MAP2K3: variants seen among roughly 807,000 people sequenced by gnomAD.
MAP2K3 encodes the protein mitogen-activated protein kinase kinase 3, also known as dual specificity mitogen-activated protein kinase kinase 3.
Under a neutral mutation model 46.4 loss-of-function variants are expected in MAP2K3, and 30 were observed. The observed-to-expected ratio is 0.65, with a 90% CI of 0.48 to 0.88. The LOEUF (loss-of-function observed/expected upper bound fraction) is 0.88. Ranked by LOEUF, MAP2K3 falls within the 40% of genes least tolerant of loss-of-function variation. The probability of loss-of-function intolerance (pLI) is 0.00; values close to 1 mark genes in which losing one functional copy is unlikely to be tolerated. For missense variants in MAP2K3, 380 were observed against 464.5 expected, an observed-to-expected ratio of 0.82 and a Z score of 1.67; for synonymous variants, 189 against 176.3, an observed-to-expected ratio of 1.07 and a Z score of -0.57.
At position 21,303,200 on chromosome 17, in the gene MAP2K3, G is replaced by C. The variant is rs891388633; in HGVS notation, c.534G>C (p.Glu178Asp). The C allele has an allele frequency of 6.2e-7, 1 of 1,614,116 alleles. No individual in the cohort carries two copies. The highest frequency in any genetic ancestry group is 8.5e-7 in the Non-Finnish European group (1 of 1,180,062). Reference protein sequence around the residue: ...EIAVSIVRALEHLHSKLSVIH... With the variant: ...EIAVSIVRALDHLHSKLSVIH... Reference sequence around the variant, plus strand: ...ACCGCCAGATCGTGCGGGCCCTGGAGCATCTGCACAGCAAGCTGTCGGTGA... The same window carrying C: ...ACCGCCAGATCGTGCGGGCCCTGGACCATCTGCACAGCAAGCTGTCGGTGA... The change falls in exon 7 of 12, where the codon GAG (glutamate) becomes GAC (aspartate). Residue 178 changes from glutamate (E) to aspartate (D), a missense_variant. Physicochemically the swap from Glu to Asp is conservative, Grantham distance 45 (BLOSUM62 2). Around this residue, in one of 5 missense-constraint regions of MAP2K3, gnomAD observed 294 missense variants for 275.4 expected, o/e 1.07. Coordinates refer to ENST00000342679, the MANE Select transcript of MAP2K3 (RefSeq NM_145109.3).
At chr17:21,313,327 GC>G (rs1977251398) in intron 10 of MAP2K3, among the ~76,000 whole-genome samples, 164 bp from the exon 11 acceptor site, 1 of 152,160 alleles carries the variant, frequency 6.6e-6, no homozygotes, top group Non-Finnish European at 1.5e-5. Flanking sequence ...TCCTATGAAT[GC>G]CCCTCCACCC....
At chr17:21,305,542 G>A (rs1054115801) in intron 9 of MAP2K3, among the ~76,000 whole-genome samples, 3 of 152,290 alleles carry the variant, frequency 2.0e-5, no homozygotes, top group East Asian at 1.9e-4. Flanking sequence ...TGGTAGAAAG[G>A]GTGGGCGGGC....
intron 1 of MAP2K3, among the ~76,000 whole-genome samples, chr17:21,296,900 A>AGCTGCTGCTGCTGCTGCT: frequency 6.6e-6 from 1 of 150,392 alleles, no homozygotes; most frequent in Middle Eastern, 3.4e-3. Flanking sequence ...ATGTGGCGGC[A>AGCTGCTGCTGCTGCTGCT]GCTGCTGCTG....
In MAP2K3 at chr17:21,303,191, G is replaced by T. The variant is rs1418777534; in HGVS notation, c.525G>T (p.Arg175=). The change falls in exon 7 of 12, where the codon CGG becomes CGT. Residue 175 remains arginine, a synonymous_variant. Transcript: ENST00000342679. The stretch of plus-strand genomic sequence containing the variant: ...CCCCACCCCACCGCCAGATCGTGCG[G>T]GCCCTGGAGCATCTGCACAGCAAGC... The part of the protein sequence containing the change: ...ILGEIAVSIV[R]ALEHLHSKLS... 1 of 1,614,242 alleles carries T rather than the reference G, an allele frequency of 6.2e-7. No homozygotes were observed. Among genetic ancestry groups the T allele is most frequent in the East Asian group, 2.2e-5 (1 of 44,894 alleles).
At chr17:21,301,055 C>T in intron 5 of MAP2K3, 62 bp downstream of exon 5, 4 of 1,612,200 alleles carry the variant, frequency 2.5e-6, no homozygotes, top group Non-Finnish European at 3.4e-6. Flanking sequence ...GCCTGCAACC[C>T]ACTGTCACTC....
Position 21,298,418 on chromosome 17 carries a change from T to G in MAP2K3, c.55T>G (p.Ser19Ala), listed in dbSNP as rs535050080. 4 of 1,614,312 alleles carry G rather than the reference T, an allele frequency of 2.5e-6. No homozygotes were observed. The East Asian group carries it at 8.9e-5, about 36-fold the overall frequency. ...TCACCTTCTCTCCATTCTAGGAAAATCCAAGAGGAAGAAGGATCTACGGAT... is the reference window on the plus strand; with the variant it reads ...TCACCTTCTCTCCATTCTAGGAAAAGCCAAGAGGAAGAAGGATCTACGGAT... ...PASMPQSKGK[S>A]KRKKDLRISC... The change falls in exon 2 of 12, where the codon TCC (serine) becomes GCC (alanine). Residue 19 changes from serine to alanine, a missense_variant. Transcript: ENST00000342679.
intron 1 of MAP2K3, chr17:21,291,581 T>C (rs1235675099): frequency 2.2e-6 from 1 of 456,414 alleles, no homozygotes; most frequent in South Asian, 1.5e-5. Flanking sequence ...CTGGGAGGGC[T>C]GAGCATCACT....
In MAP2K3 at chr17:21,311,319, T is replaced by C. The variant is rs890012753; in HGVS notation, c.775-823T>C. Reference sequence around the variant, plus strand: ...GGGCTGACATAACTTGTTTTTTCCATCCAGTCATCATGATTGGAGCCCAGA... The same window carrying C: ...GGGCTGACATAACTTGTTTTTTCCACCCAGTCATCATGATTGGAGCCCAGA... On this transcript the variant is annotated intron_variant, in intron 9 of 11. Transcript: ENST00000342679. Among the ~76,000 whole-genome samples the C allele has an allele frequency of 5.6e-4, 85 of 152,090 alleles. 1 individual carries two copies. The highest frequency in any genetic ancestry group is 1.9e-3 in the African/African-American group (80 of 41,470).
Position 21,314,902 on chromosome 17 carries a change from T to A in MAP2K3, c.*672T>A, listed in dbSNP as rs1371704737. Reference sequence around the variant, plus strand: ...CCTCTGTTGATTTTTTCTTTTGCTTTATGGGTTTGGCTTGTTTTTCTTGCA... The same window carrying A: ...CCTCTGTTGATTTTTTCTTTTGCTTAATGGGTTTGGCTTGTTTTTCTTGCA... On this transcript the variant is annotated 3_prime_UTR_variant, in exon 12 of 12. Coordinates refer to ENST00000342679, the MANE Select transcript of MAP2K3 (RefSeq NM_145109.3). 6.5e-6 allele frequency: 1 copy of A among 152,986 alleles called. No homozygotes were observed. Among genetic ancestry groups the A allele is most frequent in the Non-Finnish European group, 1.5e-5 (1 of 68,330 alleles). 9.5% of individuals were successfully genotyped at this position (152,986 alleles called of 1,614,324 possible). A position where few individuals can be genotyped will look rare whatever the true frequency, so the allele number is the denominator to read the frequency against.
chr17:21,312,116 C>G (rs1351403073), intron 9 of MAP2K3, 26 bp from the exon 10 acceptor site: 55 of 1,500,868 alleles, frequency 3.7e-5, no homozygotes, highest in Non-Finnish European at 4.6e-5. Flanking sequence ...GGGGCCGGGG[C>G]CTCTGACCCC....
At chr17:21,303,398 C>T (rs1393024681) in intron 7 of MAP2K3, among the ~76,000 whole-genome samples, 164 bp downstream of exon 7, 1 of 152,312 alleles carries the variant, frequency 6.6e-6, no homozygotes, top group Non-Finnish European at 1.5e-5. Context: ...CTGCAGCTGC[C>T]TCCCCTCAGG....
In MAP2K3 at chr17:21,310,284, T is replaced by C. The variant is rs573871365; in HGVS notation, c.775-1858T>C. On this transcript the variant is annotated intron_variant, in intron 9 of 11. Coordinates refer to ENST00000342679, the MANE Select transcript of MAP2K3 (RefSeq NM_145109.3). ...TCGGCCTCCCAAAGTGCTTGGATTATAGGTGTGAGCCACCGCACCTGGCCA... is the reference window on the plus strand; with the variant it reads ...TCGGCCTCCCAAAGTGCTTGGATTACAGGTGTGAGCCACCGCACCTGGCCA... 1.2e-3 allele frequency among the ~76,000 whole-genome samples: 179 copies of C among 151,844 alleles called. 1 individual carries two copies. Among genetic ancestry groups the C allele is most frequent in the African/African-American group, 4.3e-3 (176 of 41,404 alleles).
At position 21,298,480 on chromosome 17, in the gene MAP2K3, G is replaced by A. The variant is rs368105298; in HGVS notation, c.116+1G>A. ...CCAAGCCACCCGCACCCAACCCCACGTGAGTCTGCCTCAGTTTCTCCCTGG... is the reference window on the plus strand; with the variant it reads ...CCAAGCCACCCGCACCCAACCCCACATGAGTCTGCCTCAGTTTCTCCCTGG... On this transcript the variant is annotated splice_donor_variant, in intron 2 of 11. Transcript: ENST00000342679. LOFTEE classifies it high-confidence loss of function. The A allele has an allele frequency of 2.0e-5, 33 of 1,614,178 alleles. No homozygotes were observed. The highest frequency in any genetic ancestry group is 1.5e-4 in the African/African-American group (11 of 74,964).
chr17:21,295,694 A>G lies in MAP2K3; in HGVS notation c.50-2719A>G, dbSNP rs747434507. On this transcript the variant is annotated intron_variant, in intron 1 of 11. Coordinates refer to ENST00000342679, the MANE Select transcript of MAP2K3 (RefSeq NM_145109.3). ...CAACAGGCCGGTGGATGCAGAGGCC[A>G]GTCCATATACCACCCAGGCCTGCGA... 6 of 1,289,510 alleles carry G rather than the reference A, an allele frequency of 4.7e-6. No homozygotes were observed. In the South Asian group the frequency reaches 7.4e-5, roughly 16 times the overall value. 79.9% of individuals were successfully genotyped at this position (1,289,510 alleles called of 1,614,324 possible).
Position 21,284,721 on chromosome 17 carries a change from C to G in MAP2K3, c.-200C>G. ...TCCCCGGCGCTGCCCAGTCTGTCTC[C>G]GGCGCCGCCCGTCGCGGACTCGTCC... On this transcript the variant is annotated 5_prime_UTR_variant, in exon 1 of 12. Transcript: ENST00000342679. The G allele has an allele frequency of 2.0e-6, 1 of 506,310 alleles. No homozygotes were observed. The highest frequency in any genetic ancestry group is 3.6e-5 in the South Asian group (1 of 27,832). The allele number at this position is 506,310 out of a possible 1,614,324, so 31.4% of individuals were successfully genotyped here.
chr17:21,293,549 G>C (rs972021524), intron 1 of MAP2K3, among the ~76,000 whole-genome samples: 1 of 152,310 alleles, frequency 6.6e-6, no homozygotes, highest in Non-Finnish European at 1.5e-5. Context: ...ACCGGGGAGG[G>C]GGCGCTGCCA....
chr17:21,305,684 C>T (rs1976858200), intron 9 of MAP2K3, among the ~76,000 whole-genome samples: 1 of 152,298 alleles, frequency 6.6e-6, no homozygotes, highest in African/African-American at 2.4e-5. Context: ...CCTGGCAGAA[C>T]CCCATGCCTT....
intron 1 of MAP2K3, among the ~76,000 whole-genome samples, chr17:21,290,395 C>T (rs1975855167): frequency 1.9e-4 from 1 of 5,318 alleles, no homozygotes; most frequent in Non-Finnish European, 4.9e-4. Flanking sequence ...CTGCCGTTGG[C>T]ATGGCACACG....
intron 1 of MAP2K3, among the ~76,000 whole-genome samples, chr17:21,294,509 G>A (rs1976129706): frequency 6.6e-6 from 1 of 152,310 alleles, no homozygotes; most frequent in Non-Finnish European, 1.5e-5. Flanking sequence ...GGGAGCAGCC[G>A]AAGTGGGGGC....
Sources: gnomAD v4.1 joint callset for allele counts (sites outside exome capture counted in the v4.1 genomes callset) on GRCh38, gnomAD v4.1.1 for gene constraint, gnomAD v4.1.1 regional missense constraint, MANE v1.5 for transcripts, NCBI Gene and HGNC (gene_info 2026-07-23, HGNC 2026-07-21) for gene names.